The following TWNK variants were observed in gnomAD, a reference collection of about 807,000 sequenced individuals.
TWNK encodes the protein T7 gp4-like protein with intramitochondrial nucleoid localization.
A neutral mutation model predicts 58.2 loss-of-function variants in TWNK; 36 were observed. The observed-to-expected ratio is 0.62, with a 90% confidence interval of 0.47 to 0.82. TWNK has a LOEUF of 0.82. Ranked by LOEUF, TWNK falls within the 40% of genes least tolerant of loss-of-function variation. The probability of loss-of-function intolerance (pLI) is 0.00; values close to 1 mark genes in which losing one functional copy is unlikely to be tolerated. For missense variants in TWNK, 714 were observed against 881.0 expected (o/e 0.81, Z 2.40); for synonymous variants, 349 against 348.5 (o/e 1.00, Z -0.02).
Position 100,994,031 on chromosome 10 carries a change from C to G in TWNK, c.*521C>G, listed in dbSNP as rs11542131. ...GAGGTAGGAATGAGCAGGTCAGATTCAAGGCAGTGAGGTCAGGCCGCATGA... is the reference window on the plus strand; with the variant it reads ...GAGGTAGGAATGAGCAGGTCAGATTGAAGGCAGTGAGGTCAGGCCGCATGA... On this transcript the variant is annotated 3_prime_UTR_variant, in exon 5 of 5. Transcript: ENST00000311916. 13,592 of 170,708 alleles carry G rather than the reference C, an allele frequency of 0.08. 714 individuals carry two copies. The highest frequency in any genetic ancestry group is 0.11 in the Non-Finnish European group (8,751 of 78,300). The allele number at this position is 170,708 out of a possible 1,614,324, so 10.6% of individuals were successfully genotyped here. A position where few individuals can be genotyped will look rare whatever the true frequency, so the allele number is the denominator to read the frequency against.
In TWNK at chr10:100,993,463, C is replaced by G. The variant is rs758523933; in HGVS notation, c.2008C>G (p.Gln670Glu). Residue 670 changes from glutamine to glutamate, a missense_variant, in exon 5 of 5, where the codon CAG becomes GAG. Physicochemically the swap from Gln to Glu is conservative, Grantham distance 29. Transcript: ENST00000311916. ...ACAGAACTCTGAGATTTGCTCAGGCCAGGCCCCCACTCCCGACCAGCCAGA... is the reference window on the plus strand; with the variant it reads ...ACAGAACTCTGAGATTTGCTCAGGCGAGGCCCCCACTCCCGACCAGCCAGA... The part of the protein sequence containing the change: ...TTQNSEICSG[Q>E]APTPDQPDTS... 1 of 1,614,160 alleles carries G rather than the reference C, an allele frequency of 6.2e-7. No individual in the cohort carries two copies. The highest frequency in any genetic ancestry group is 8.5e-7 in the Non-Finnish European group (1 of 1,180,026).
rs1393984795 is a variant in TWNK at position 100,988,502 on chromosome 10, A to G, written c.292A>G (p.Thr98Ala). 2 of 1,614,072 alleles carry G rather than the reference A, an allele frequency of 1.2e-6. No individual in the cohort carries two copies. The highest frequency in any genetic ancestry group is 1.7e-6 in the Non-Finnish European group (2 of 1,180,034). ...GCTCAAAGGCCAGACTGGTGTTACC[A>G]CTTCCTTCAGCCTCTTCATTGACAA... The part of the protein sequence containing the change: ...SQLKGQTGVT[T>A]SFSLFIDKTT... Residue 98 changes from threonine to alanine, a missense_variant, in exon 1 of 5, where the codon ACT becomes GCT. Physicochemically the swap from Thr to Ala is moderately conservative, Grantham distance 58 (BLOSUM62 0). Coordinates refer to ENST00000311916, the MANE Select transcript of TWNK (RefSeq NM_021830.5). This position sits in a 1 kb window ranked among gnomAD's most constrained non-coding sequence, Gnocchi z 5.2.
At position 100,989,272 on chromosome 10, in the gene TWNK, T is replaced by C; in HGVS notation, c.1062T>C (p.Arg354=). 6.2e-7 allele frequency: 1 copy of C among 1,614,180 alleles called. No homozygotes were observed. The highest frequency in any genetic ancestry group is 8.5e-7 in the Non-Finnish European group (1 of 1,180,038). ...EALNGGFNLS[R]ILRTALPAWH... ...TGAACGGAGGCTTCAATCTTTCTCG[T>C]ATTCTTCGTACCGCCCTGCCTGCCT... The change falls in exon 1 of 5, where the codon CGT becomes CGC. Residue 354 remains arginine, a synonymous_variant. Transcript: ENST00000311916. The surrounding 1 kb of genome is among the most constrained non-coding windows in gnomAD (Gnocchi z 7.6).
At position 100,988,823 on chromosome 10, in the gene TWNK, G is replaced by T. The variant is rs1177022784; in HGVS notation, c.613G>T (p.Val205Phe). The change falls in exon 1 of 5, where the codon GTC (valine) becomes TTC (phenylalanine). Residue 205 changes from valine (V) to phenylalanine (F), a missense_variant. Physicochemically the swap from Val to Phe is conservative, Grantham distance 50. Transcript: ENST00000311916. This position sits in a 1 kb window ranked among gnomAD's most constrained non-coding sequence, Gnocchi z 5.2. Reference protein sequence around the residue: ...VRYLRPARSLVFPWFSPGGSG... With the variant: ...VRYLRPARSLFFPWFSPGGSG... ...ATATCTGCGACCTGCTCGCAGTCTT[G>T]TCTTCCCTTGGTTCTCCCCTGGGGG... 1.2e-6 allele frequency: 2 copies of T among 1,614,182 alleles called. No homozygotes were observed. Among genetic ancestry groups the T allele is most frequent in the South Asian group, 2.2e-5 (2 of 91,082 alleles).
In TWNK at chr10:100,988,507, C is replaced by G; in HGVS notation, c.297C>G (p.Ser99=). The change falls in exon 1 of 5, where the codon TCC becomes TCG. Residue 99 remains serine (S), a synonymous_variant. Transcript: ENST00000311916. This position sits in a 1 kb window ranked among gnomAD's most constrained non-coding sequence, Gnocchi z 5.2. ...QLKGQTGVTT[S]FSLFIDKTTG... is the part of the protein sequence containing the mutation. ...AAGGCCAGACTGGTGTTACCACTTCCTTCAGCCTCTTCATTGACAAGACCA... is the reference window on the plus strand; with the variant it reads ...AAGGCCAGACTGGTGTTACCACTTCGTTCAGCCTCTTCATTGACAAGACCA... 7 of 1,614,228 alleles carry G rather than the reference C, an allele frequency of 4.3e-6. No homozygotes were observed. Among genetic ancestry groups the G allele is most frequent in the Non-Finnish European group, 5.9e-6 (7 of 1,180,046 alleles).
chr10:100,993,459 A>G lies in TWNK; in HGVS notation c.2004A>G (p.Ser668=), dbSNP rs1281175455. The G allele has an allele frequency of 2.5e-6, 4 of 1,614,072 alleles. No individual in the cohort carries two copies. The highest frequency in any genetic ancestry group is 3.4e-6 in the Non-Finnish European group (4 of 1,180,050). ...GATTQNSEIC[S]GQAPTPDQPD... Reference sequence around the variant, plus strand: ...CGACACAGAACTCTGAGATTTGCTCAGGCCAGGCCCCCACTCCCGACCAGC... The same window carrying G: ...CGACACAGAACTCTGAGATTTGCTCGGGCCAGGCCCCCACTCCCGACCAGC... The change falls in exon 5 of 5, where the codon TCA becomes TCG. Residue 668 remains serine (S), a synonymous_variant. Coordinates refer to ENST00000311916, the MANE Select transcript of TWNK (RefSeq NM_021830.5).
Position 100,988,360 on chromosome 10 carries a change from G to A in TWNK, c.150G>A (p.Met50Ile). 1 of 1,614,272 alleles carries A rather than the reference G, an allele frequency of 6.2e-7. No homozygotes were observed. The highest frequency in any genetic ancestry group is 8.5e-7 in the Non-Finnish European group (1 of 1,180,054). Reference sequence around the variant, plus strand: ...AGGAGACTCTCCAAGCCTTGGATATGCCAGTGTTGCCTGTAACTGCAACTG... The same window carrying A: ...AGGAGACTCTCCAAGCCTTGGATATACCAGTGTTGCCTGTAACTGCAACTG... ...YRKETLQALDMPVLPVTATEI... is the reference protein window; with the variant it reads ...YRKETLQALDIPVLPVTATEI... The change falls in exon 1 of 5, where the codon ATG becomes ATA. Residue 50 changes from methionine (M) to isoleucine (I), a missense_variant. Met to Ile is a conservative substitution (Grantham distance 10). This residue lies in a region of TWNK where 348 missense variants were observed against 388.4 expected (regional missense o/e 0.90). Coordinates refer to ENST00000311916, the MANE Select transcript of TWNK (RefSeq NM_021830.5). This position sits in a 1 kb window ranked among gnomAD's most constrained non-coding sequence, Gnocchi z 5.2.
At position 100,989,402 on chromosome 10, in the gene TWNK, C is replaced by T. The variant is rs2133938637; in HGVS notation, c.1192C>T (p.Leu398Phe). ...AGLRWSRFPDLNRILKGHRKG... is the reference protein window; with the variant it reads ...AGLRWSRFPDFNRILKGHRKG... ...CCTCCGCTGGAGCCGCTTTCCAGAC[C>T]TCAATCGTATCTTGAAGGGACATCG... The change falls in exon 1 of 5, where the codon CTC becomes TTC. Residue 398 changes from leucine to phenylalanine, a missense_variant. Transcript: ENST00000311916. This position sits in a 1 kb window ranked among gnomAD's most constrained non-coding sequence, Gnocchi z 7.6. 3 of 1,614,184 alleles carry T rather than the reference C, an allele frequency of 1.9e-6. No homozygotes were observed. Among genetic ancestry groups the T allele is most frequent in the Non-Finnish European group, 1.7e-6 (2 of 1,180,036 alleles).
chr10:100,993,628 C>A lies in TWNK; in HGVS notation c.*118C>A. On this transcript the variant is annotated 3_prime_UTR_variant, in exon 5 of 5. Coordinates refer to ENST00000311916, the MANE Select transcript of TWNK (RefSeq NM_021830.5). ...TGTGTGCCCTTCTCAGTCTGAGGGG[C>A]CTAACCTAGAGCAGGTTTCCATAGT... The A allele has an allele frequency of 8.7e-7, 1 of 1,151,426 alleles. No homozygotes were observed. The highest frequency in any genetic ancestry group is 1.3e-6 in the Non-Finnish European group (1 of 791,934). 71.3% of individuals were successfully genotyped at this position (1,151,426 alleles called of 1,614,324 possible).
At position 100,987,879 on chromosome 10, in the gene TWNK, AGGTG is replaced by A; in HGVS notation, c.-331_-328del. ...AGGAGATGCTGTGGAGGAGCAGTAGAGGTGAGAAGATGATGCAAAGAAACTGTGT... is the reference window on the plus strand; with the variant it reads ...AGGAGATGCTGTGGAGGAGCAGTAGAAGAAGATGATGCAAAGAAACTGTGT... On this transcript the variant is annotated 5_prime_UTR_variant, in exon 1 of 5. The change abolishes the stop of an existing upstream ORF in the 5' untranslated region. Transcript: ENST00000311916. The A allele has an allele frequency of 1.7e-6, 1 of 598,620 alleles. No individual in the cohort carries two copies. The allele number at this position is 598,620 out of a possible 1,614,324, so 37.1% of individuals were successfully genotyped here.
At position 100,987,579 on chromosome 10, in the gene TWNK, C is replaced by T; in HGVS notation, c.-632C>T. 5.3e-6 allele frequency: 7 copies of T among 1,321,800 alleles called. No homozygotes were observed. The highest frequency in any genetic ancestry group is 7.1e-6 in the Non-Finnish European group (7 of 991,424). 81.9% of individuals were successfully genotyped at this position (1,321,800 alleles called of 1,614,324 possible). ...CAAGGCGAGTAGCATGTGCGGGAGA[C>T]TCACGTTGCCGGCGAAGTGGGAGAG... On this transcript the variant is annotated 5_prime_UTR_variant, in exon 1 of 5. Transcript: ENST00000311916.
chr10:100,991,577 G>A (rs1332465554), intron 4 of TWNK, among the ~76,000 whole-genome samples: 1 of 152,120 alleles, frequency 6.6e-6, no homozygotes, highest in Non-Finnish European at 1.5e-5. Context: ...GGGAAAGAGA[G>A]TAATGCAGAA....
intron 4 of TWNK, among the ~76,000 whole-genome samples, chr10:100,991,575 G>C (rs1466598100): frequency 6.6e-6 from 1 of 152,172 alleles, no homozygotes; most frequent in Non-Finnish European, 1.5e-5. Context: ...CTGGGAAAGA[G>C]AGTAATGCAG....
rs1564809125 is a variant in TWNK, at chr10:100,989,721, T to TG, written c.1325dup (p.Ser443Ter). 1.9e-6 allele frequency: 3 copies of TG among 1,614,126 alleles called. No individual in the cohort carries two copies. Among genetic ancestry groups the TG allele is most frequent in the Non-Finnish European group, 2.5e-6 (3 of 1,180,016 alleles). ...GTGTTCCCAGGGGGTGAACACACTG[T>TG]GGGGTAGCTTCGAGATCAGCAATGT... On this transcript the variant is annotated frameshift_variant, in exon 2 of 5. Transcript: ENST00000311916. LOFTEE classifies it high-confidence loss of function. The surrounding 1 kb of genome is among the most constrained non-coding windows in gnomAD (Gnocchi z 7.6).
chr10:100,990,443 A>C lies in TWNK; in HGVS notation c.1492A>C (p.Ile498Leu). The C allele has an allele frequency of 6.2e-7, 1 of 1,613,480 alleles. No homozygotes were observed. Among genetic ancestry groups the C allele is most frequent in the South Asian group, 1.1e-5 (1 of 91,054 alleles). The change falls in exon 3 of 5, where the codon ATA becomes CTA. Residue 498 changes from isoleucine (I) to leucine (L), a missense_variant. Ile to Leu is a conservative substitution (Grantham distance 5). Transcript: ENST00000311916. ...FHGQQSIRTVIDTMQHAVYVY... is the reference protein window; with the variant it reads ...FHGQQSIRTVLDTMQHAVYVY... ...TGCCTTTCCTCTTCCCAGGACTGTA[A>C]TAGATACAATGCAACATGCAGTCTA...
intron 2 of TWNK, 32 bp from the exon 3 acceptor site, chr10:100,990,404 C>T: frequency 6.4e-7 from 1 of 1,560,452 alleles, no homozygotes; most frequent in South Asian, 1.1e-5. Flanking sequence ...CTAGAGACAA[C>T]TTGTCAAATT....
Position 100,989,276 on chromosome 10 carries a change from C to G in TWNK, c.1066C>G (p.Leu356Val), listed in dbSNP as rs1242628813. The G allele has an allele frequency of 3.1e-6, 5 of 1,614,042 alleles. No homozygotes were observed. In the South Asian group the frequency reaches 4.4e-5, roughly 14 times the overall value. ...LNGGFNLSRI[L>V]RTALPAWHKS... ...CGGAGGCTTCAATCTTTCTCGTATTCTTCGTACCGCCCTGCCTGCCTGGCA... is the reference window on the plus strand; with the variant it reads ...CGGAGGCTTCAATCTTTCTCGTATTGTTCGTACCGCCCTGCCTGCCTGGCA... The change falls in exon 1 of 5, where the codon CTT (leucine) becomes GTT (valine). Residue 356 changes from leucine to valine, a missense_variant. Leu to Val is a conservative substitution (Grantham distance 32, BLOSUM62 1). Coordinates refer to ENST00000311916, the MANE Select transcript of TWNK (RefSeq NM_021830.5). The surrounding 1 kb of genome is among the most constrained non-coding windows in gnomAD (Gnocchi z 7.6).
At position 100,989,409 on chromosome 10, in the gene TWNK, G is replaced by A. The variant is rs781016340; in HGVS notation, c.1199G>A (p.Arg400His). Residue 400 changes from arginine to histidine, a missense_variant, in exon 1 of 5, where the codon CGT (arginine) becomes CAT (histidine). Physicochemically the swap from Arg to His is conservative, Grantham distance 29. This residue lies in a region of TWNK where 302 missense variants were observed against 438.6 expected (regional missense o/e 0.69). Transcript: ENST00000311916. The surrounding 1 kb of genome is among the most constrained non-coding windows in gnomAD (Gnocchi z 7.6). ...LRWSRFPDLN[R>H]ILKGHRKGEL... ...TGGAGCCGCTTTCCAGACCTCAATCGTATCTTGAAGGGACATCGAAAGGGC... is the reference window on the plus strand; with the variant it reads ...TGGAGCCGCTTTCCAGACCTCAATCATATCTTGAAGGGACATCGAAAGGGC... The A allele has an allele frequency of 4.3e-6, 7 of 1,614,046 alleles. No homozygotes were observed. Among genetic ancestry groups the A allele is most frequent in the East Asian group, 2.2e-5 (1 of 44,896 alleles).
At position 100,990,416 on chromosome 10, in the gene TWNK, C is replaced by T. The variant is rs1159821619; in HGVS notation, c.1485-20C>T. ...GGTCTAGAGACAACTTGTCAAATTC[C>T]TTGCCTTTCCTCTTCCCAGGACTGT... is the stretch of plus-strand genomic sequence containing the variant. On this transcript the variant is annotated intron_variant, in intron 2 of 4. Transcript: ENST00000311916. 1 of 1,597,368 alleles carries T rather than the reference C, an allele frequency of 6.3e-7. No individual in the cohort carries two copies. The highest frequency in any genetic ancestry group is 1.7e-5 in the Admixed American group (1 of 59,992).
Sources: allele counts gnomAD v4.1 joint callset (sites outside exome capture counted in the v4.1 genomes callset), GRCh38; gene constraint gnomAD v4.1.1; regional missense constraint gnomAD v4.1.1; non-coding constraint Gnocchi (gnomAD v3.1); transcripts MANE v1.5; gene names NCBI Gene and HGNC (gene_info 2026-07-23, HGNC 2026-07-21).